Variants in ADGRL3 observed in about 807,000 individuals in gnomAD.
ADGRL3 encodes calcium-independent alpha-latrotoxin receptor 3.
Under a neutral mutation model 153.5 loss-of-function variants are expected in ADGRL3, and 62 were observed. That is an observed-to-expected ratio of 0.40 (90% CI 0.33 to 0.50). The LOEUF is 0.50. Among genes scored for constraint, ADGRL3 ranks in the 20% least tolerant of loss-of-function variants. ADGRL3 has a pLI of 0.47. For missense variants in ADGRL3, 1,641 were observed against 1,859.4 expected (o/e 0.88, Z 2.16); for synonymous variants, 710 against 672.5 (o/e 1.06, Z -0.86).
At chr4:61,526,692 A>G (rs2098563002) in intron 4 of ADGRL3, among the ~76,000 whole-genome samples, 1 of 152,062 alleles carries the variant, frequency 6.6e-6, no homozygotes, top group South Asian at 2.1e-4. Context: ...TGAGCCCAGG[A>G]GTTTGAGGTG....
At chr4:61,532,983 A>G (rs942954052) in intron 4 of ADGRL3, among the ~76,000 whole-genome samples, 2 of 151,890 alleles carry the variant, frequency 1.3e-5, no homozygotes, top group African/African-American at 4.8e-5. Context: ...AGAACATGGG[A>G]CTCTTTGGAA....
At chr4:61,548,791 G>C (rs934386296) in intron 4 of ADGRL3, among the ~76,000 whole-genome samples, 2 of 151,550 alleles carry the variant, frequency 1.3e-5, no homozygotes, top group African/African-American at 4.8e-5. Flanking sequence ...ATTTAGGATT[G>C]CCTTGGCTAT....
chr4:62,013,573 T>A (rs931431140), intron 21 of ADGRL3, among the ~76,000 whole-genome samples: 1 of 150,996 alleles, frequency 6.6e-6, no homozygotes, highest in Non-Finnish European at 1.5e-5. Flanking sequence ...AAGAAAGAAA[T>A]TTGTTGTTAT....
chr4:61,916,772 G>A (rs567550988), intron 13 of ADGRL3, among the ~76,000 whole-genome samples: 2 of 152,208 alleles, frequency 1.3e-5, no homozygotes, highest in East Asian at 3.9e-4. Context: ...GGCCAACATG[G>A]TGAAACCTTG....
chr4:61,946,890 A>T, intron 15 of ADGRL3, 24 bp from the exon 16 acceptor site: 1 of 1,559,940 alleles, frequency 6.4e-7, no homozygotes, highest in Non-Finnish European at 8.8e-7. Context: ...TGGACAAACT[A>T]ATCAGAGTTT....
At chr4:61,372,770 C>T (rs2096551525) in intron 1 of ADGRL3, among the ~76,000 whole-genome samples, 1 of 152,130 alleles carries the variant, frequency 6.6e-6, no homozygotes, top group Non-Finnish European at 1.5e-5. Context: ...GTTCGAGCTT[C>T]CCGGCTGCTT....
intron 5 of ADGRL3, among the ~76,000 whole-genome samples, chr4:61,626,094 C>T (rs930995335): frequency 2.0e-5 from 3 of 151,042 alleles, no homozygotes; most frequent in Non-Finnish European, 3.0e-5. Flanking sequence ...TAGAAAACCC[C>T]GGATAAAAAT....
chr4:62,066,010 T>C (rs1577744925), intron 25 of ADGRL3, among the ~76,000 whole-genome samples: 2 of 152,186 alleles, frequency 1.3e-5, no homozygotes, highest in East Asian at 3.9e-4. Flanking sequence ...TACTGACTTT[T>C]TTAAAAAACC....
chr4:61,866,427 G>A (rs1027607129), intron 9 of ADGRL3, among the ~76,000 whole-genome samples: 1 of 152,138 alleles, frequency 6.6e-6, no homozygotes, highest in African/African-American at 2.4e-5. Flanking sequence ...TCATGTTCAC[G>A]CACAAGTTTT....
At chr4:61,922,310 C>T (rs1243933327) in intron 13 of ADGRL3, among the ~76,000 whole-genome samples, 1 of 152,036 alleles carries the variant, frequency 6.6e-6, no homozygotes, top group East Asian at 1.9e-4. Flanking sequence ...CTTTTTAAAA[C>T]TAATAGATAT....
intron 5 of ADGRL3, among the ~76,000 whole-genome samples, chr4:61,623,655 G>A (rs960317226): frequency 2.6e-5 from 4 of 152,062 alleles, no homozygotes; most frequent in African/African-American, 9.7e-5. Flanking sequence ...AATTCTTACA[G>A]CAAGTATTTA....
chr4:61,551,580 T>C (rs1304576151), intron 4 of ADGRL3, among the ~76,000 whole-genome samples: 1 of 152,128 alleles, frequency 6.6e-6, no homozygotes, highest in Non-Finnish European at 1.5e-5. Context: ...CTCATGAGAG[T>C]TGGATGTGAC....
chr4:61,297,334 TA>T (rs2094442118), intron 1 of ADGRL3, among the ~76,000 whole-genome samples: 1 of 152,160 alleles, frequency 6.6e-6, no homozygotes, highest in Admixed American at 6.6e-5. Flanking sequence ...GGCAGCTACC[TA>T]ATCAGTTTAT....
intron 6 of ADGRL3, among the ~76,000 whole-genome samples, chr4:61,700,481 G>A (rs1039031225): frequency 1.3e-5 from 2 of 152,056 alleles, no homozygotes; most frequent in South Asian, 2.1e-4. Flanking sequence ...AGGGTACCGC[G>A]GATTCAGGAA....
Position 61,587,253 on chromosome 4 carries a change from G to T in ADGRL3, c.286G>T (p.Ala96Ser), listed in dbSNP as rs2098950143. Residue 96 changes from alanine (A) to serine (S), a missense_variant, in exon 5 of 27, where the codon GCT (alanine) becomes TCT (serine). By Grantham distance (99) the Ala-to-Ser change is moderately conservative. Transcript: ENST00000683033. ...TTTCAGCCGTGCCCCAATTCCAATGGCTGTGGTCCGCAGAGAGCTATCCTG... is the reference window on the plus strand; with the variant it reads ...TTTCAGCCGTGCCCCAATTCCAATGTCTGTGGTCCGCAGAGAGCTATCCTG... ...QAFSRAPIPM[A>S]VVRRELSCES... 3 of 1,608,150 alleles carry T rather than the reference G, an allele frequency of 1.9e-6. No individual in the cohort carries two copies. The highest frequency in any genetic ancestry group is 2.2e-5 in the East Asian group (1 of 44,580).
At chr4:61,350,071 A>G (rs1452547532) in intron 1 of ADGRL3, among the ~76,000 whole-genome samples, 1 of 152,128 alleles carries the variant, frequency 6.6e-6, no homozygotes. Context: ...CCAAATATAT[A>G]TTGAACACTT....
chr4:61,737,914 T>C (rs1479057803), intron 8 of ADGRL3, among the ~76,000 whole-genome samples: 1 of 152,082 alleles, frequency 6.6e-6, no homozygotes, highest in Non-Finnish European at 1.5e-5. Flanking sequence ...CTTTTTATCA[T>C]TCCATTTTTT....
At chr4:61,989,351 A>C (rs1314824914) in intron 19 of ADGRL3, among the ~76,000 whole-genome samples, 1 of 152,104 alleles carries the variant, frequency 6.6e-6, no homozygotes, top group African/African-American at 2.4e-5. Context: ...CTTCATTGAC[A>C]TAAAGCATTT....
At chr4:61,577,776 G>A (rs147454218) in intron 4 of ADGRL3, among the ~76,000 whole-genome samples, 1,644 of 151,150 alleles carry the variant, frequency 0.011, 29 homozygotes, top group African/African-American at 0.038. Flanking sequence ...TCATGCCACT[G>A]CCCTTCAGCC....
Sources: allele counts gnomAD v4.1 joint callset (sites outside exome capture counted in the v4.1 genomes callset), GRCh38; gene constraint gnomAD v4.1.1; transcripts MANE v1.5; gene names NCBI Gene and HGNC (gene_info 2026-07-23, HGNC 2026-07-21).